Variants in COL12A1 observed in about 807,000 individuals in gnomAD.
COL12A1 encodes the protein collagen alpha-1(XII) chain.
COL12A1 carries 114 observed loss-of-function variants against 349.7 expected under a neutral mutation model. The ratio of observed to expected loss-of-function variants is 0.33; its 90% CI spans 0.28 to 0.38. The LOEUF (loss-of-function observed/expected upper bound fraction) is 0.38. COL12A1 is among the 10% of genes least tolerant of loss of function. The pLI, the probability that COL12A1 is intolerant of heterozygous loss-of-function variation, is 1.00. For missense variants in COL12A1, 3,284 were observed against 3,756.9 expected (o/e 0.87, Z 3.29); for synonymous variants, 1,369 against 1,329.0 (o/e 1.03, Z -0.66).
At chr6:75,089,041 C>G (rs1169874984) in intron 64 of COL12A1, 65 bp downstream of exon 64, 1 of 1,158,446 alleles carries the variant, frequency 8.6e-7, no homozygotes, top group Non-Finnish European at 1.3e-6. Flanking sequence ...TTGTGAATCT[C>G]TTCGGGATGG....
chr6:75,134,773 A>G lies in COL12A1; in HGVS notation c.5477T>C (p.Leu1826Pro), dbSNP rs762797573. 1 of 1,612,796 alleles carries G rather than the reference A, an allele frequency of 6.2e-7. No homozygotes were observed. Among genetic ancestry groups the G allele is most frequent in the Admixed American group, 1.7e-5 (1 of 60,008 alleles). ...CCGACCTCCTTCACCATCAGGATAC[A>G]GAGAGGATACGGTGATAGTGTAAGG... ...DTPYTITVSS[L>P]YPDGEGGRMT... Residue 1826 changes from leucine to proline, a missense_variant, in exon 32 of 66, where the codon CTG becomes CCG. This residue lies in a region of COL12A1 where 2,601 missense variants were observed against 2,824.8 expected (regional missense o/e 0.92). Transcript: ENST00000322507.
At position 75,175,110 on chromosome 6, in the gene COL12A1, C is replaced by G; in HGVS notation, c.2638G>C (p.Ala880Pro). 1 of 1,614,152 alleles carries G rather than the reference C, an allele frequency of 6.2e-7. No individual in the cohort carries two copies. The highest frequency in any genetic ancestry group is 8.5e-7 in the Non-Finnish European group (1 of 1,180,034). Residue 880 changes from alanine to proline, a missense_variant, in exon 13 of 66, where the codon GCC becomes CCC. This residue lies in a region of COL12A1 where 2,601 missense variants were observed against 2,824.8 expected (regional missense o/e 0.92). Transcript: ENST00000322507. ...GCATACAAGGCTGTCACAGATAAGG[C>G]GTATTGTGTCCCTTCCTTCAATCCC... ...LQGLKEGTQY[A>P]LSVTALYASG...
At chr6:75,179,207 T>C (rs186415614) in intron 11 of COL12A1, among the ~76,000 whole-genome samples, 16 of 152,294 alleles carry the variant, frequency 1.1e-4, no homozygotes, top group African/African-American at 3.9e-4. Context: ...CCAGATTCCA[T>C]TACAGACAAT....
At chr6:75,102,325 A>G (rs1302968821) in intron 56 of COL12A1, among the ~76,000 whole-genome samples, 1 of 152,256 alleles carries the variant, frequency 6.6e-6, no homozygotes, top group Non-Finnish European at 1.5e-5. Flanking sequence ...CCTTAAAAGA[A>G]TATAGTTTAA....
chr6:75,192,240 T>G lies in COL12A1; in HGVS notation c.306A>C (p.Glu102Asp), dbSNP rs781006950. ...VTITSYDEVE[E>D]SVPVIGQLTI... ...TTAGTTGTCCTATAACTGGTACACT[T>G]TCTTCTACTTCATCATATGAAGTTA... Residue 102 changes from glutamate (E) to aspartate (D), a missense_variant, in exon 4 of 66, where the codon GAA (glutamate) becomes GAC (aspartate). By Grantham distance (45) the Glu-to-Asp change is conservative. Around this residue, in one of 2 missense-constraint regions of COL12A1, gnomAD observed 2,601 missense variants for 2,824.8 expected, o/e 0.92. Coordinates refer to ENST00000322507, the MANE Select transcript of COL12A1 (RefSeq NM_004370.6). 5 of 1,606,060 alleles carry G rather than the reference T, an allele frequency of 3.1e-6. No homozygotes were observed. In the East Asian group the frequency reaches 1.1e-4, roughly 36 times the overall value.
chr6:75,159,571 C>T (rs1048676620), intron 14 of COL12A1, among the ~76,000 whole-genome samples: 13 of 151,058 alleles, frequency 8.6e-5, no homozygotes, highest in African/African-American at 3.2e-4. Flanking sequence ...ATTAGCATTA[C>T]CAGTTGTCAC....
intron 10 of COL12A1, among the ~76,000 whole-genome samples, chr6:75,182,224 A>T (rs183517778): frequency 6.7e-6 from 1 of 148,914 alleles, no homozygotes; most frequent in African/African-American, 2.5e-5. Context: ...TTTTATTATT[A>T]TAATACTTTG....
chr6:75,150,414 C>T (rs1582136371), intron 21 of COL12A1, among the ~76,000 whole-genome samples: 2 of 152,056 alleles, frequency 1.3e-5, no homozygotes, highest in Non-Finnish European at 2.9e-5. Context: ...AAACATTTGA[C>T]CCAGACCAAG....
chr6:75,148,330 G>T (rs1322007026), intron 22 of COL12A1, 28 bp downstream of exon 22: 27 of 1,598,568 alleles, frequency 1.7e-5, no homozygotes, highest in African/African-American at 2.7e-5. Context: ...ACATCAGGAA[G>T]AAGTAAGTTA....
chr6:75,121,858 C>CTT (rs60234784), intron 43 of COL12A1, among the ~76,000 whole-genome samples: 88 of 134,468 alleles, frequency 6.5e-4, no homozygotes, highest in African/African-American at 1.5e-3. Flanking sequence ...CAAATAAGTC[C>CTT]TTTTTTTTTT....
At chr6:75,120,020 A>G (rs1259698185) in intron 44 of COL12A1, among the ~76,000 whole-genome samples, 3 of 152,210 alleles carry the variant, frequency 2.0e-5, no homozygotes, top group Non-Finnish European at 4.4e-5. Context: ...TTTAATAGCT[A>G]TGTGACAATG....
At chr6:75,100,054 C>T (rs1471034362) in intron 58 of COL12A1, among the ~76,000 whole-genome samples, 3 of 152,182 alleles carry the variant, frequency 2.0e-5, no homozygotes, top group African/African-American at 7.2e-5. Context: ...GTTTACTAAG[C>T]AGTAGGTAGG....
rs887401729 is a variant in COL12A1, at chr6:75,105,367, A to C, written c.8179-75T>G. On this transcript the variant is annotated intron_variant, in intron 53 of 65. Transcript: ENST00000322507. The stretch of plus-strand genomic sequence containing the variant: ...ACTTCCCATCCCCACCCCCACTTAC[A>C]TGCACAAGGAAGTCTGTTTCCCAAC... The C allele has an allele frequency of 9.6e-5, 92 of 957,204 alleles. No homozygotes were observed. In the African/African-American group the frequency reaches 1.4e-3, roughly 14 times the overall value. 59.3% of individuals were successfully genotyped at this position (957,204 alleles called of 1,614,324 possible). A position where few individuals can be genotyped will look rare whatever the true frequency, so the allele number is the denominator to read the frequency against.
intron 21 of COL12A1, among the ~76,000 whole-genome samples, chr6:75,148,896 T>A (rs1767338970): frequency 6.6e-6 from 1 of 152,194 alleles, no homozygotes; most frequent in Admixed American, 6.5e-5. Flanking sequence ...AGGGAGATAA[T>A]TGAAACATGG....
At chr6:75,156,172 CA>C in intron 15 of COL12A1, 84 bp downstream of exon 15, 1 of 1,471,138 alleles carries the variant, frequency 6.8e-7, no homozygotes, top group Non-Finnish European at 9.2e-7. Flanking sequence ...CAGTTTTAAA[CA>C]TTTACAAATG....
chr6:75,124,520 T>C (rs966668165), intron 40 of COL12A1, 149 bp from the exon 41 acceptor site: 1 of 553,106 alleles, frequency 1.8e-6, no homozygotes. Context: ...ACATGAATCA[T>C]ATTTAAAAAT....
chr6:75,164,215 A>C (rs1768166387), intron 14 of COL12A1, among the ~76,000 whole-genome samples: 1 of 152,198 alleles, frequency 6.6e-6, no homozygotes, highest in African/African-American at 2.4e-5. Context: ...ATTTTTAAAA[A>C]TCTGGTGAAT....
Position 75,084,376 on chromosome 6 carries a change from AATAAT to A in COL12A1, c.*2166_*2170del, listed in dbSNP as rs535907169. ...AAATGCCTCTTTTGTTTCAGAAATAAATAATATAAGGCAGTGAAATTCACAATCTG... is the reference window on the plus strand; with the variant it reads ...AAATGCCTCTTTTGTTTCAGAAATAAATAAGGCAGTGAAATTCACAATCTG... On this transcript the variant is annotated 3_prime_UTR_variant, in exon 66 of 66. Coordinates refer to ENST00000322507, the MANE Select transcript of COL12A1 (RefSeq NM_004370.6). 2.6e-4 allele frequency: 40 copies of A among 152,788 alleles called. No individual in the cohort carries two copies. Among genetic ancestry groups the A allele is most frequent in the East Asian group, 1.2e-3 (6 of 5,194 alleles). The allele number at this position is 152,788 out of a possible 1,614,324, so 9.5% of individuals were successfully genotyped here.
chr6:75,127,590 G>A lies in COL12A1; in HGVS notation c.6340+706C>T, dbSNP rs564576054. On this transcript the variant is annotated intron_variant, in intron 38 of 65. Coordinates refer to ENST00000322507, the MANE Select transcript of COL12A1 (RefSeq NM_004370.6). ...ATCCTACCTTTATGCTAAACTAGTGGCTCTCAGCCATTGCTGCACATTAAT... is the reference window on the plus strand; with the variant it reads ...ATCCTACCTTTATGCTAAACTAGTGACTCTCAGCCATTGCTGCACATTAAT... 1.1e-4 allele frequency among the ~76,000 whole-genome samples: 16 copies of A among 152,218 alleles called. 1 individual carries two copies. In the South Asian group the frequency reaches 3.3e-3, roughly 32 times the overall value.
Sources: gnomAD v4.1 joint callset for allele counts (sites outside exome capture counted in the v4.1 genomes callset) on GRCh38, gnomAD v4.1.1 for gene constraint, gnomAD v4.1.1 regional missense constraint, MANE v1.5 for transcripts, NCBI Gene and HGNC (gene_info 2026-07-23, HGNC 2026-07-21) for gene names.